The following SLITRK4 variants were observed in gnomAD, a reference collection of about 807,000 sequenced individuals.
SLITRK4 encodes the protein SLIT and NTRK-like protein 4.
A neutral mutation model predicts 34.7 loss-of-function variants in SLITRK4; 7 were observed. The ratio of observed to expected loss-of-function variants is 0.20; its 90% CI spans 0.11 to 0.38. The LOEUF is 0.38. Among genes scored for constraint, SLITRK4 ranks in the 10% least tolerant of loss-of-function variants. SLITRK4 has a pLI of 1.00. For missense variants in SLITRK4, 474 were observed against 607.0 expected (o/e 0.78, Z 2.30); for synonymous variants, 237 against 246.2 (o/e 0.96, Z 0.35).
At chrX:143,634,186 T>TCC (rs1931147378) in intron 1 of SLITRK4, 1 of 111,884 alleles carries the variant, frequency 8.9e-6, no homozygotes, top group African/African-American at 3.3e-5. Context: ...CGGCCCAGGC[T>TCC]CCCCCTTGCC....
chrX:143,628,970 A>T lies in SLITRK4; in HGVS notation c.2139T>A (p.Asp713Glu). 1 of 1,210,986 alleles carries T rather than the reference A, an allele frequency of 8.3e-7. No homozygotes were observed. Among genetic ancestry groups the T allele is most frequent in the Non-Finnish European group, 1.1e-6 (1 of 895,252 alleles). The change falls in exon 2 of 2, where the codon GAT (aspartate) becomes GAA (glutamate). Residue 713 changes from aspartate to glutamate, a missense_variant. Asp to Glu is a conservative substitution (Grantham distance 45). Around this residue, in one of 3 missense-constraint regions of SLITRK4, gnomAD observed 345 missense variants for 406.5 expected, o/e 0.85. Coordinates refer to ENST00000356928, the MANE Select transcript of SLITRK4 (RefSeq NM_001184749.3). The part of the protein sequence containing the change: ...KESETGFMFS[D>E]PPGQKVVMRN... ...TCATAACAACTTTCTGTCCTGGAGGATCTGAAAACATGAACCCAGTTTCTG... is the reference window on the plus strand; with the variant it reads ...TCATAACAACTTTCTGTCCTGGAGGTTCTGAAAACATGAACCCAGTTTCTG...
At position 143,628,902 on chromosome X, in the gene SLITRK4, G is replaced by C. The variant is rs781923193; in HGVS notation, c.2207C>G (p.Thr736Ser). 9.9e-6 allele frequency: 12 copies of C among 1,211,034 alleles called. No homozygotes were observed. The highest frequency in any genetic ancestry group is 1.0e-5 in the Non-Finnish European group (9 of 895,151). ...ATCAATTGTGCTCAGTCTCTTCCTG[G>C]TATCTACATGTAATAAATCTTTCTC... is the stretch of plus-strand genomic sequence containing the variant. ...DKEKDLLHVD[T>S]RKRLSTIDEL... is the part of the protein sequence containing the mutation. Residue 736 changes from threonine (T) to serine (S), a missense_variant, in exon 2 of 2, where the codon ACC (threonine) becomes AGC (serine). By Grantham distance (58) the Thr-to-Ser change is moderately conservative. This residue lies in a region of SLITRK4 where 345 missense variants were observed against 406.5 expected (regional missense o/e 0.85). Transcript: ENST00000356928.
Position 143,629,039 on chromosome X carries a change from A to G in SLITRK4, c.2070T>C (p.Thr690=). The change falls in exon 2 of 2, where the codon ACT becomes ACC. Residue 690 remains threonine (T), a synonymous_variant. Coordinates refer to ENST00000356928, the MANE Select transcript of SLITRK4 (RefSeq NM_001184749.3). ...GLSTEAFIPQ[T]IEQMSKSHTC... ...TGTGGCTCTTGCTCATCTGTTCTAT[A>G]GTTTGTGGAATGAAAGCTTCTGTGC... is the stretch of plus-strand genomic sequence containing the variant. 8.3e-7 allele frequency: 1 copy of G among 1,211,704 alleles called. No homozygotes were observed. Among genetic ancestry groups the G allele is most frequent in the Non-Finnish European group, 1.1e-6 (1 of 895,566 alleles).
At chrX:143,635,065 C>G (rs1188982735) in intron 1 of SLITRK4, 6 of 107,342 alleles carry the variant, frequency 5.6e-5, no homozygotes, top group Middle Eastern at 5.0e-3. Flanking sequence ...CGCGCGCACC[C>G]GAGCAGACAC....
rs1602927096 is a variant in SLITRK4 at position 143,628,129 on chromosome X, C to CTTTTTTTTTTTTTTTTTTTTTTTTTTTT, written c.*465_*466insAAAAAAAAAAAAAAAAAAAAAAAAAAAA. 6.3e-4 allele frequency: 35 copies of CTTTTTTTTTTTTTTTTTTTTTTTTTTTT among 55,325 alleles called. No individual in the cohort carries two copies. The highest frequency in any genetic ancestry group is 2.5e-3 in the Admixed American group (7 of 2,766). 4.6% of individuals were successfully genotyped at this position (55,325 alleles called of 1,213,427 possible). ...TTTTTTTTTTTTTTTTTTTTTTTTA[C>CTTTTTTTTTTTTTTTTTTTTTTTTTTTT]TTTTCAGATAATCTTTACACGGAGT... On this transcript the variant is annotated 3_prime_UTR_variant, in exon 2 of 2. Transcript: ENST00000356928.
intron 1 of SLITRK4, among the ~76,000 whole-genome samples, chrX:143,632,104 C>T (rs1556428939): frequency 8.9e-6 from 1 of 111,743 alleles, no homozygotes; most frequent in East Asian, 2.8e-4. Context: ...GGCTTAACTG[C>T]TTTATCTCTT....
chrX:143,634,294 C>A (rs1165754637), intron 1 of SLITRK4: 1 of 112,454 alleles, frequency 8.9e-6, no homozygotes, highest in Non-Finnish European at 1.9e-5. Context: ...TGGCAGCGCT[C>A]GCCTGGCTTT....
Position 143,629,922 on chromosome X carries a change from T to A in SLITRK4, c.1187A>T (p.Asp396Val), listed in dbSNP as rs151306817. Residue 396 changes from aspartate to valine, a missense_variant, in exon 2 of 2, where the codon GAC (aspartate) becomes GTC (valine). Physicochemically the swap from Asp to Val is radical, Grantham distance 152. Transcript: ENST00000356928. Reference sequence around the variant, plus strand: ...ATCCAGTCCTTCAAAGTCAGTGAAGTCTGATACGTCCACATCCTTGATGCT... The same window carrying A: ...ATCCAGTCCTTCAAAGTCAGTGAAGACTGATACGTCCACATCCTTGATGCT... Reference protein sequence around the residue: ...GNSIKDVDVSDFTDFEGLDLL... With the variant: ...GNSIKDVDVSVFTDFEGLDLL... 1 of 1,210,171 alleles carries A rather than the reference T, an allele frequency of 8.3e-7. No individual in the cohort carries two copies. The highest frequency in any genetic ancestry group is 1.7e-5 in the African/African-American group (1 of 57,254).
At position 143,628,091 on chromosome X, in the gene SLITRK4, CTTTTTTTTTTTT is replaced by C. The variant is rs782497461; in HGVS notation, c.*492_*503del. The C allele has an allele frequency of 4.1e-4, 30 of 73,066 alleles. No individual in the cohort carries two copies. The highest frequency in any genetic ancestry group is 3.7e-3 in the South Asian group (2 of 535). 6.0% of individuals were successfully genotyped at this position (73,066 alleles called of 1,213,427 possible). A position where few individuals can be genotyped will look rare whatever the true frequency, so the allele number is the denominator to read the frequency against. ...CTATCGAGTGTTCTCTCTTTGCATG[CTTTTTTTTTTTT>C]TTTTTTTTTTTTTTTTTTTTTTTTA... On this transcript the variant is annotated 3_prime_UTR_variant, in exon 2 of 2. Coordinates refer to ENST00000356928, the MANE Select transcript of SLITRK4 (RefSeq NM_001184749.3).
rs1930699303 is a variant in SLITRK4, at chrX:143,623,764, A to G, written c.*4831T>C. The stretch of plus-strand genomic sequence containing the variant: ...ATATATGTCACCAGTTATTCTAGGT[A>G]AGTGAAGCCACAAACAGGATATTTT... On this transcript the variant is annotated 3_prime_UTR_variant, in exon 2 of 2. Transcript: ENST00000356928. The G allele has an allele frequency of 9.0e-6, 1 of 111,314 alleles. No individual in the cohort carries two copies. The highest frequency in any genetic ancestry group is 3.7e-4 in the South Asian group (1 of 2,673). The allele number at this position is 111,314 out of a possible 1,213,427, so 9.2% of individuals were successfully genotyped here. A position where few individuals can be genotyped will look rare whatever the true frequency, so the allele number is the denominator to read the frequency against.
Position 143,631,041 on chromosome X carries a change from G to A in SLITRK4, c.68C>T (p.Ser23Leu), listed in dbSNP as rs376093373. 11 of 1,201,700 alleles carry A rather than the reference G, an allele frequency of 9.2e-6. No homozygotes were observed. The highest frequency in any genetic ancestry group is 3.5e-5 in the African/African-American group (2 of 57,231). ...ISSTNADSDI[S>L]VEICNVCSCV... is the part of the protein sequence containing the mutation. The stretch of plus-strand genomic sequence containing the variant: ...GGAACACACATTGCAAATTTCCACC[G>A]ATATGTCAGAATCTGCATTTGTCGA... The change falls in exon 2 of 2, where the codon TCG becomes TTG. Residue 23 changes from serine (S) to leucine (L), a missense_variant. Around this residue, in one of 3 missense-constraint regions of SLITRK4, gnomAD observed 84 missense variants for 101.3 expected, o/e 0.83. Transcript: ENST00000356928.
In SLITRK4 at chrX:143,630,433, C is replaced by A. The variant is rs782560022; in HGVS notation, c.676G>T (p.Ala226Ser). 8.3e-7 allele frequency: 1 copy of A among 1,209,718 alleles called. No individual in the cohort carries two copies. ...NCSCDLLPLKAWLENMPYNIY... is the reference protein window; with the variant it reads ...NCSCDLLPLKSWLENMPYNIY... Reference sequence around the variant, plus strand: ...TTATATGGCATGTTCTCCAGCCAAGCTTTTAAGGGCAATAAATCACAGCTA... The same window carrying A: ...TTATATGGCATGTTCTCCAGCCAAGATTTTAAGGGCAATAAATCACAGCTA... The change falls in exon 2 of 2, where the codon GCT becomes TCT. Residue 226 changes from alanine to serine, a missense_variant. This residue lies in a region of SLITRK4 where 45 missense variants were observed against 99.2 expected (regional missense o/e 0.45). Transcript: ENST00000356928.
At chrX:143,633,802 G>A (rs1231568539) in intron 1 of SLITRK4, among the ~76,000 whole-genome samples, 4 of 111,813 alleles carry the variant, frequency 3.6e-5, no homozygotes, top group Non-Finnish European at 7.6e-5. Flanking sequence ...TACCTCGGGC[G>A]GGCGGCGAGG....
intron 1 of SLITRK4, chrX:143,635,008 C>T (rs1204219608): frequency 1.8e-5 from 2 of 108,947 alleles, no homozygotes; most frequent in East Asian, 3.0e-4. Flanking sequence ...ACGGAGCAGC[C>T]CCAGCAGGCG....
rs1556425852 is a variant in SLITRK4 at position 143,628,129 on chromosome X, C to G, written c.*466G>C. ...TTTTTTTTTTTTTTTTTTTTTTTTA[C>G]TTTTCAGATAATCTTTACACGGAGT... On this transcript the variant is annotated 3_prime_UTR_variant, in exon 2 of 2. Transcript: ENST00000356928. 1.8e-4 allele frequency: 10 copies of G among 56,276 alleles called. No individual in the cohort carries two copies. The highest frequency in any genetic ancestry group is 1.6e-3 in the South Asian group (1 of 609). 4.6% of individuals were successfully genotyped at this position (56,276 alleles called of 1,213,427 possible).
intron 1 of SLITRK4, among the ~76,000 whole-genome samples, chrX:143,635,421 C>A (rs1209875733): frequency 9.6e-6 from 1 of 103,657 alleles, no homozygotes; most frequent in African/African-American, 3.5e-5. Flanking sequence ...TCCATCCCCC[C>A]CACCACATAC....
Position 143,622,906 on chromosome X carries a change from G to A in SLITRK4, c.*5689C>T, listed in dbSNP as rs1930678142. The A allele has an allele frequency of 9.0e-6, 1 of 111,158 alleles. No individual in the cohort carries two copies. Among genetic ancestry groups the A allele is most frequent in the Non-Finnish European group, 1.9e-5 (1 of 52,923 alleles). The allele number at this position is 111,158 out of a possible 1,213,427, so 9.2% of individuals were successfully genotyped here. Reference sequence around the variant, plus strand: ...TGAAACAATGATGGAAATATACATAGCAAGTCTTAGCAGGGAGAACAAAGC... The same window carrying A: ...TGAAACAATGATGGAAATATACATAACAAGTCTTAGCAGGGAGAACAAAGC... On this transcript the variant is annotated 3_prime_UTR_variant, in exon 2 of 2. Coordinates refer to ENST00000356928, the MANE Select transcript of SLITRK4 (RefSeq NM_001184749.3).
At chrX:143,634,374 C>A (rs1243697611) in intron 1 of SLITRK4, 1 of 112,123 alleles carries the variant, frequency 8.9e-6, no homozygotes, top group Non-Finnish European at 1.9e-5. Flanking sequence ...CTAGCAATCT[C>A]CGACCAACCC....
chrX:143,633,573 C>G, intron 1 of SLITRK4, among the ~76,000 whole-genome samples: 1 of 110,888 alleles, frequency 9.0e-6, no homozygotes, highest in African/African-American at 3.3e-5. Context: ...CTAGCCCGAC[C>G]AAAAACAAAT....
Sources: allele counts gnomAD v4.1 joint callset (sites outside exome capture counted in the v4.1 genomes callset), GRCh38; gene constraint gnomAD v4.1.1; regional missense constraint gnomAD v4.1.1; transcripts MANE v1.5; gene names NCBI Gene and HGNC (gene_info 2026-07-23, HGNC 2026-07-21).